Variants in SVIL observed in about 807,000 individuals in gnomAD.
SVIL encodes the protein supervillin, also known as archvillin.
A neutral mutation model predicts 240.4 loss-of-function variants in SVIL; 101 were observed. That is an observed-to-expected ratio of 0.42 (90% CI 0.36 to 0.50). The LOEUF is 0.50. SVIL is among the 20% of genes least tolerant of loss of function. The pLI is 0.01. For missense variants in SVIL, 2,512 were observed against 2,818.7 expected, an observed-to-expected ratio of 0.89 and a Z score of 2.46; for synonymous variants, 999 against 1,100.0, an observed-to-expected ratio of 0.91 and a Z score of 1.82.
In SVIL at chr10:29,582,731, CTAATAATAATAA is replaced by C. The variant is rs61441935; in HGVS notation, c.-200-13431_-200-13420del. Among the ~76,000 whole-genome samples, 165 of 142,800 alleles carry C rather than the reference CTAATAATAATAA, an allele frequency of 1.2e-3. 1 individual carries two copies. Among genetic ancestry groups the C allele is most frequent in the Non-Finnish European group, 1.8e-3 (121 of 66,280 alleles). 93.7% of individuals were successfully genotyped at this position (142,800 alleles called of 152,430 possible). On this transcript the variant is annotated intron_variant, in intron 1 of 37. Transcript: ENST00000355867. ...TGGGTGACAGAGTGAGACCCTGTCT[CTAATAATAATAA>C]TAATAATAATAATAATAATAATAAT...
intron 17 of SVIL, among the ~76,000 whole-genome samples, chr10:29,504,630 C>T (rs1209950657): frequency 6.6e-6 from 1 of 152,102 alleles, no homozygotes; most frequent in Non-Finnish European, 1.5e-5. Flanking sequence ...TAGAGACTTG[C>T]AAATTAAAAC....
intron 1 of SVIL, among the ~76,000 whole-genome samples, chr10:29,716,880 T>C (rs967526295): frequency 4.6e-5 from 7 of 152,174 alleles, no homozygotes; most frequent in Non-Finnish European, 8.8e-5. Flanking sequence ...TTAACTACAA[T>C]GCAGGATTTT....
chr10:29,613,317 A>G (rs1258449580), intron 1 of SVIL, among the ~76,000 whole-genome samples: 1 of 152,108 alleles, frequency 6.6e-6, no homozygotes, highest in Admixed American at 6.6e-5. Flanking sequence ...ATTTTTCAAG[A>G]TCTTTATCAA....
chr10:29,481,164 G>GTGTGTGTGTGTT (rs1554815367), intron 28 of SVIL, among the ~76,000 whole-genome samples: 1 of 141,014 alleles, frequency 7.1e-6, no homozygotes, highest in African/African-American at 3.2e-5. Context: ...GTGTGTGTGT[G>GTGTGTGTGTGTT]TGTTTGTTTG....
intron 1 of SVIL, among the ~76,000 whole-genome samples, chr10:29,688,670 A>C (rs1482931870): frequency 6.6e-6 from 1 of 152,194 alleles, no homozygotes; most frequent in Non-Finnish European, 1.5e-5. Context: ...AAAATTATCT[A>C]TCTACAAAAA....
At chr10:29,613,380 C>T (rs546590929) in intron 1 of SVIL, among the ~76,000 whole-genome samples, 8 of 151,900 alleles carry the variant, frequency 5.3e-5, no homozygotes, top group South Asian at 4.2e-4. Context: ...TTGCTCAGGC[C>T]GGAGTGCAGT....
intron 1 of SVIL, among the ~76,000 whole-genome samples, chr10:29,585,402 C>G (rs533592928): frequency 3.0e-4 from 45 of 152,258 alleles, no homozygotes; most frequent in African/African-American, 1.0e-3. Flanking sequence ...GTTGCCCAGG[C>G]TGGCCTTGAA....
intron 5 of SVIL, among the ~76,000 whole-genome samples, 173 bp downstream of exon 5, chr10:29,554,610 A>G (rs755963380): frequency 3.3e-5 from 5 of 152,198 alleles, no homozygotes; most frequent in Non-Finnish European, 5.9e-5. Context: ...AGCTATGATC[A>G]TACTCCTGCA....
chr10:29,512,190 C>G (rs1185432045), intron 17 of SVIL, among the ~76,000 whole-genome samples: 1 of 152,222 alleles, frequency 6.6e-6, no homozygotes, highest in South Asian at 2.1e-4. Context: ...TAGTATTGAT[C>G]ACCATGCATT....
chr10:29,722,699 C>T (rs1009985925), intron 1 of SVIL, among the ~76,000 whole-genome samples: 6 of 152,154 alleles, frequency 3.9e-5, no homozygotes, highest in African/African-American at 1.4e-4. Flanking sequence ...ATTCTAGCCT[C>T]TAAATCCAAT....
Position 29,523,889 on chromosome 10 carries a change from A to G in SVIL, c.2725T>C (p.Tyr909His). Residue 909 changes from tyrosine to histidine, a missense_variant, in exon 15 of 38, where the codon TAT becomes CAT. Tyr to His is a moderately conservative substitution (Grantham distance 83). Coordinates refer to ENST00000355867, the MANE Select transcript of SVIL (RefSeq NM_021738.3). The part of the protein sequence containing the change: ...PLDHNASATD[Y>H]KFSSSIENSD... ...TTTTCTATTGAAGAAGAAAACTTAT[A>G]GTCAGTGGCACTTGCATTGTGGTCA... The G allele has an allele frequency of 6.8e-6, 11 of 1,614,210 alleles. No homozygotes were observed. Among genetic ancestry groups the G allele is most frequent in the Non-Finnish European group, 9.3e-6 (11 of 1,180,038 alleles).
intron 3 of SVIL, among the ~76,000 whole-genome samples, chr10:29,643,022 C>T (rs1958539465): frequency 6.6e-6 from 1 of 152,176 alleles, no homozygotes; most frequent in African/African-American, 2.4e-5. Context: ...CAACATTCTC[C>T]CTTTTGTCAG....
chr10:29,545,431 A>G (rs892191811), intron 6 of SVIL, among the ~76,000 whole-genome samples: 13 of 152,108 alleles, frequency 8.5e-5, no homozygotes, highest in Admixed American at 2.0e-4. Context: ...CTCTGCATGA[A>G]ACCTCCATAT....
chr10:29,523,514 T>A lies in SVIL; in HGVS notation c.3100A>T (p.Arg1034Trp). The A allele has an allele frequency of 1.9e-6, 3 of 1,614,066 alleles. No homozygotes were observed. Among genetic ancestry groups the A allele is most frequent in the Non-Finnish European group, 2.5e-6 (3 of 1,179,972 alleles). Residue 1034 changes from arginine to tryptophan, a missense_variant, in exon 15 of 38, where the codon AGG becomes TGG. Physicochemically the swap from Arg to Trp is moderately radical, Grantham distance 101. This residue lies in a region of SVIL where 1,443 missense variants were observed against 1,486.6 expected (regional missense o/e 0.97). Transcript: ENST00000355867. The part of the protein sequence containing the change: ...NAQGNLDLRD[R>W]LPFEEKVEVE... ...TCCACCTTCTCTTCAAAGGGCAGCC[T>A]GTCCCTCAAGTCCAAGTTTCCTTGT...
At chr10:29,611,199 A>G (rs1231524211) in intron 1 of SVIL, among the ~76,000 whole-genome samples, 1 of 152,054 alleles carries the variant, frequency 6.6e-6, no homozygotes, top group Non-Finnish European at 1.5e-5. Flanking sequence ...CCTTGCCTAT[A>G]TCCCTGTGAA....
At chr10:29,526,832 C>T (rs148610019) in intron 13 of SVIL, 129 bp downstream of exon 13, 123 of 752,966 alleles carry the variant, frequency 1.6e-4, no homozygotes, top group Admixed American at 3.3e-4. Flanking sequence ...CAAAATGCCA[C>T]GCATTCTGGA....
intron 1 of SVIL, among the ~76,000 whole-genome samples, chr10:29,589,024 G>A (rs1346014171): frequency 6.6e-6 from 1 of 152,034 alleles, no homozygotes; most frequent in Non-Finnish European, 1.5e-5. Context: ...TTTTTCCCCA[G>A]GAGCATCCTG....
intron 16 of SVIL, among the ~76,000 whole-genome samples, chr10:29,516,543 G>A (rs1039142081): frequency 3.9e-5 from 6 of 152,196 alleles, no homozygotes; most frequent in South Asian, 2.1e-4. Flanking sequence ...TGAGAGGGTC[G>A]AGGAGCCGAC....
intron 1 of SVIL, among the ~76,000 whole-genome samples, chr10:29,724,021 C>A (rs562798701): frequency 4.1e-4 from 63 of 152,086 alleles, no homozygotes; most frequent in African/African-American, 1.4e-3. Flanking sequence ...GGGTATGGGG[C>A]AAGGGAAGTA....
Sources: allele counts gnomAD v4.1 joint callset (sites outside exome capture counted in the v4.1 genomes callset), GRCh38; gene constraint gnomAD v4.1.1; regional missense constraint gnomAD v4.1.1; transcripts MANE v1.5; gene names NCBI Gene and HGNC (gene_info 2026-07-23, HGNC 2026-07-21).